The following TMEM9 variants were observed in gnomAD, a reference collection of about 807,000 sequenced individuals.
The protein encoded by TMEM9 is proton-transporting V-type ATPase complex assembly regulator TMEM9.
In TMEM9, 13 loss-of-function variants were observed where a neutral mutation model predicts 22.8. The observed-to-expected ratio is 0.57, with a 90% CI of 0.37 to 0.91. The LOEUF (loss-of-function observed/expected upper bound fraction) is 0.91, where lower values mean the gene tolerates loss of function less well. Among genes scored for constraint, TMEM9 ranks in the 40% least tolerant of loss-of-function variants. The pLI is 0.01. For synonymous variants in TMEM9, 88 were observed against 93.0 expected, an observed-to-expected ratio of 0.95 and a Z score of 0.31; for missense variants, 182 against 238.1, an observed-to-expected ratio of 0.76 and a Z score of 1.55.
upstream of TMEM9, among the ~76,000 whole-genome samples, chr1:201,155,661 C>T (rs990309470): frequency 6.6e-6 from 1 of 152,280 alleles, no homozygotes; most frequent in Middle Eastern, 3.4e-3. Context: ...GGCTTTGGAG[C>T]TAGAGTGACC....
chr1:201,156,307 G>T (rs1665791888), upstream of TMEM9, among the ~76,000 whole-genome samples: 1 of 152,098 alleles, frequency 6.6e-6, no homozygotes, highest in African/African-American at 2.4e-5. Context: ...TCATCACCCT[G>T]CCTGTATCTT....
Position 201,151,836 on chromosome 1 carries a change from C to A in TMEM9, c.83G>T (p.Arg28Leu), listed in dbSNP as rs757410237. 1.9e-6 allele frequency: 3 copies of A among 1,613,458 alleles called. No homozygotes were observed. In the South Asian group the frequency reaches 3.3e-5, roughly 18 times the overall value. Residue 28 changes from arginine to leucine, a missense_variant, in exon 2 of 5, where the codon CGG becomes CTG. Transcript: ENST00000367330. The stretch of plus-strand genomic sequence containing the variant: ...ATAAGGTGGACAGATGCATTTGCAC[C>A]GGATATCTTCAGAACTCTGGAAAAG... ...AEANKSSEDI[R>L]CKCICPPYRN... is the part of the protein sequence containing the mutation.
In TMEM9 at chr1:201,151,060, A is replaced by G. The variant is rs16847886; in HGVS notation, c.158+701T>C. Reference sequence around the variant, plus strand: ...ACACCAAGAAACCCCACTGAACATAACTGATCCACACCAGTACCTGCTCCC... The same window carrying G: ...ACACCAAGAAACCCCACTGAACATAGCTGATCCACACCAGTACCTGCTCCC... On this transcript the variant is annotated intron_variant, in intron 2 of 4. Transcript: ENST00000367330. Among the ~76,000 whole-genome samples the G allele has an allele frequency of 8.9e-3, 1,349 of 152,012 alleles. 28 individuals are homozygous for G. Among genetic ancestry groups the G allele is most frequent in the African/African-American group, 0.031 (1,267 of 41,434 alleles).
intron 3 of TMEM9, chr1:201,145,156 G>A (rs1431574056): frequency 6.6e-6 from 1 of 152,378 alleles, no homozygotes; most frequent in African/African-American, 2.4e-5. Flanking sequence ...GTCTTCAATA[G>A]GCTGAAGTTG....
chr1:201,169,828 T>C (rs546492390), intron 1 of TMEM9, among the ~76,000 whole-genome samples: 2 of 152,308 alleles, frequency 1.3e-5, no homozygotes, highest in African/African-American at 4.8e-5. Context: ...TGACCTTGAC[T>C]TGGTCACTGA....
chr1:201,137,217 C>A (rs542068674), intron 4 of TMEM9, among the ~76,000 whole-genome samples: 2 of 152,236 alleles, frequency 1.3e-5, no homozygotes, highest in South Asian at 2.1e-4. Context: ...GGAATTAGGA[C>A]CCCTGGGTTC....
chr1:201,152,811 TA>T, intron 1 of TMEM9, among the ~76,000 whole-genome samples: 1 of 152,206 alleles, frequency 6.6e-6, no homozygotes, highest in African/African-American at 2.4e-5. Flanking sequence ...ACAGACATGG[TA>T]ACAATGAGTG....
At chr1:201,144,179 G>A in intron 3 of TMEM9, 1 of 491,222 alleles carries the variant, frequency 2.0e-6, no homozygotes, top group Admixed American at 3.3e-5. Context: ...AGTCTGCACA[G>A]CAGGCATCAC....
rs987002181 is a variant in TMEM9, at chr1:201,154,258, T to A, written c.-335A>T. The A allele has an allele frequency of 8.7e-6, 2 of 231,090 alleles. No individual in the cohort carries two copies. Among genetic ancestry groups the A allele is most frequent in the Non-Finnish European group, 1.7e-5 (2 of 116,212 alleles). 14.3% of individuals were successfully genotyped at this position (231,090 alleles called of 1,614,324 possible). A position where few individuals can be genotyped will look rare whatever the true frequency, so the allele number is the denominator to read the frequency against. Reference sequence around the variant, plus strand: ...CATCACGTCCCACCGCCCTCCGCCATCTCCGCCTCTGCCCGCCCCGCAGCT... The same window carrying A: ...CATCACGTCCCACCGCCCTCCGCCAACTCCGCCTCTGCCCGCCCCGCAGCT... On this transcript the variant is annotated 5_prime_UTR_variant, in exon 1 of 5. An upstream start codon of the reference 5' UTR is lost. Coordinates refer to ENST00000367330, the MANE Select transcript of TMEM9 (RefSeq NM_001288565.2).
At chr1:201,145,869 G>A (rs116448682) in intron 3 of TMEM9, among the ~76,000 whole-genome samples, 191 of 152,330 alleles carry the variant, frequency 1.3e-3, no homozygotes, top group African/African-American at 4.4e-3. Context: ...GGCTGAGGTG[G>A]GAGGGTTGCA....
Position 201,146,798 on chromosome 1 carries a change from T to C in TMEM9, c.209A>G (p.Glu70Gly). ...EPMPVPGHDV[E>G]AYCLLCECRY... Reference sequence around the variant, plus strand: ...GCACTCGCACAGCAGGCAGTAGGCCTCCACGTCATGGCCAGGCACTGGCAT... The same window carrying C: ...GCACTCGCACAGCAGGCAGTAGGCCCCCACGTCATGGCCAGGCACTGGCAT... The change falls in exon 3 of 5, where the codon GAG becomes GGG. Residue 70 changes from glutamate to glycine, a missense_variant. By Grantham distance (98) the Glu-to-Gly change is moderately conservative. Transcript: ENST00000367330. 6.2e-7 allele frequency: 1 copy of C among 1,614,244 alleles called. No homozygotes were observed. The highest frequency in any genetic ancestry group is 8.5e-7 in the Non-Finnish European group (1 of 1,180,040).
At chr1:201,137,357 T>C (rs1050943411) in intron 4 of TMEM9, among the ~76,000 whole-genome samples, 2 of 152,238 alleles carry the variant, frequency 1.3e-5, no homozygotes, top group Non-Finnish European at 2.9e-5. Context: ...TGAGGCTATG[T>C]GTCCCTGAAC....
At chr1:201,166,366 C>CTTT (rs10712932) in intron 1 of TMEM9, among the ~76,000 whole-genome samples, 1 of 141,882 alleles carries the variant, frequency 7.0e-6, no homozygotes, top group African/African-American at 2.6e-5. Context: ...GACTATGATT[C>CTTT]TTTTTTTTTT....
upstream of TMEM9, among the ~76,000 whole-genome samples, chr1:201,156,517 T>A (rs551663684): frequency 3.3e-5 from 5 of 152,112 alleles, no homozygotes; most frequent in South Asian, 6.2e-4. Flanking sequence ...CCCCACCCCA[T>A]CTCATCACTG....
rs1663817231 is a variant in TMEM9, at chr1:201,134,777, G to A, written c.*886C>T. On this transcript the variant is annotated 3_prime_UTR_variant, in exon 5 of 5. Coordinates refer to ENST00000367330, the MANE Select transcript of TMEM9 (RefSeq NM_001288565.2). ...ATCTCTTAAAAACCAGAAAGTGAGA[G>A]AAATAAAACAATTTAATGATGGCTT... The A allele has an allele frequency of 6.5e-6, 1 of 152,796 alleles. No homozygotes were observed. Among genetic ancestry groups the A allele is most frequent in the Admixed American group, 6.5e-5 (1 of 15,280 alleles). 9.5% of individuals were successfully genotyped at this position (152,796 alleles called of 1,614,324 possible).
At chr1:201,140,094 T>C (rs1219827831) in intron 4 of TMEM9, among the ~76,000 whole-genome samples, 2 of 152,234 alleles carry the variant, frequency 1.3e-5, no homozygotes, top group Admixed American at 6.5e-5. Flanking sequence ...GAGGGGAGAC[T>C]GCTCCTCAGT....
chr1:201,139,583 C>G (rs1242018632), intron 4 of TMEM9, among the ~76,000 whole-genome samples: 2 of 152,080 alleles, frequency 1.3e-5, no homozygotes, highest in Non-Finnish European at 2.9e-5. Context: ...TCCCCCCTTA[C>G]CCCCCAGCCC....
At chr1:201,157,596 T>C (rs968164780), upstream of TMEM9, among the ~76,000 whole-genome samples, 2 of 152,226 alleles carry the variant, frequency 1.3e-5, no homozygotes, top group Admixed American at 1.3e-4. Context: ...GTATCAGAAA[T>C]GCTTTTTCCC....
At chr1:201,148,097 T>C (rs887244338) in intron 2 of TMEM9, among the ~76,000 whole-genome samples, 1 of 152,182 alleles carries the variant, frequency 6.6e-6, no homozygotes, top group Non-Finnish European at 1.5e-5. Context: ...ACTACATGAT[T>C]CCCAAAGGAA....
Sources: allele counts gnomAD v4.1 joint callset (sites outside exome capture counted in the v4.1 genomes callset), GRCh38; gene constraint gnomAD v4.1.1; transcripts MANE v1.5; gene names NCBI Gene and HGNC (gene_info 2026-07-23, HGNC 2026-07-21).